ZNF483: variants seen among roughly 807,000 people sequenced by gnomAD.
ZNF483 encodes zinc finger protein 483.
A neutral mutation model predicts 28.6 loss-of-function variants in ZNF483; 9 were observed. That is an observed-to-expected ratio of 0.32 (90% CI 0.19 to 0.55). The LOEUF is 0.55. Ranked by LOEUF, ZNF483 falls within the 20% of genes least tolerant of loss-of-function variation. ZNF483 has a pLI of 0.93. For synonymous variants in ZNF483, 322 were observed against 306.2 expected, an observed-to-expected ratio of 1.05 and a Z score of -0.54; for missense variants, 675 against 871.7, an observed-to-expected ratio of 0.77 and a Z score of 2.84.
At chr9:111,564,362 G>A (rs1828458833) in intron 5 of ZNF483, 4 of 424,028 alleles carry the variant, frequency 9.4e-6, no homozygotes, top group Non-Finnish European at 1.3e-5. Flanking sequence ...TTTGAGTGCA[G>A]TGGCACAATC....
In ZNF483 at chr9:111,543,271, G is replaced by A. The variant is rs114605895; in HGVS notation, c.*101G>A. 4.9e-4 allele frequency: 713 copies of A among 1,457,134 alleles called. 1 individual carries two copies. The African/African-American group carries it at 8.7e-3, about 18-fold the overall frequency. 90.3% of individuals were successfully genotyped at this position (1,457,134 alleles called of 1,614,324 possible). ...GTATTGATCAGTAGCTGCAGCTTTCGTAAATTGGCAGTTAGGAAAAATATC... is the reference window on the plus strand; with the variant it reads ...GTATTGATCAGTAGCTGCAGCTTTCATAAATTGGCAGTTAGGAAAAATATC... On this transcript the variant is annotated 3_prime_UTR_variant, in exon 6 of 6. Transcript: ENST00000309235.
At chr9:111,528,644 G>C (rs1827240958) in intron 2 of ZNF483, among the ~76,000 whole-genome samples, 1 of 152,006 alleles carries the variant, frequency 6.6e-6, no homozygotes, top group African/African-American at 2.4e-5. Context: ...ATTTACCATA[G>C]GGCTCCTGAC....
At chr9:111,569,009 C>CTAG (rs1828695576) in intron 5 of ZNF483, among the ~76,000 whole-genome samples, 1 of 152,188 alleles carries the variant, frequency 6.6e-6, no homozygotes, top group Non-Finnish European at 1.5e-5. Context: ...GATTGAGAAA[C>CTAG]TAGAAGTATA....
At chr9:111,561,870 G>GT (rs995037875) in intron 5 of ZNF483, among the ~76,000 whole-genome samples, 9 of 152,018 alleles carry the variant, frequency 5.9e-5, no homozygotes, top group African/African-American at 1.9e-4. Flanking sequence ...TTATGCTGTT[G>GT]TTTTTTTGTT....
In ZNF483 at chr9:111,545,536, T is replaced by C. The variant is rs947012746; in HGVS notation, c.*2366T>C. 5.3e-5 allele frequency among the ~76,000 whole-genome samples: 8 copies of C among 152,102 alleles called. No individual in the cohort carries two copies. Among genetic ancestry groups the C allele is most frequent in the African/African-American group, 1.9e-4 (8 of 41,448 alleles). ...CCATAATCCATTTTTTAGAACATCA[T>C]CCCAGCAAGATCCGTTATTCCAGTT... On this transcript the variant is annotated 3_prime_UTR_variant, in exon 6 of 6. Transcript: ENST00000309235.
intron 5 of ZNF483, among the ~76,000 whole-genome samples, chr9:111,567,307 C>T (rs1828607230): frequency 6.6e-6 from 1 of 152,276 alleles, no homozygotes; most frequent in East Asian, 1.9e-4. Flanking sequence ...CCTGCCTCAG[C>T]CTCCCAAGTA....
chr9:111,557,443 CT>C (rs35404480), downstream of ZNF483, among the ~76,000 whole-genome samples: 114,693 of 151,234 alleles, frequency 0.76, 44,177 homozygotes, highest in African/African-American at 0.88. Context: ...AACTCATTAT[CT>C]TTTTTTTGCT....
At chr9:111,541,277 G>T (rs552355813) in intron 5 of ZNF483, among the ~76,000 whole-genome samples, 9 of 152,074 alleles carry the variant, frequency 5.9e-5, no homozygotes, top group African/African-American at 1.9e-4. Flanking sequence ...TTTTAGTAGA[G>T]ATGGGGTTTC....
chr9:111,576,560 GC>G, exon 6 of ZNF483: 1 of 979,060 alleles, frequency 1.0e-6, no homozygotes, highest in Non-Finnish European at 1.5e-6. Context: ...TAGTGGAGTG[GC>G]CATAGGCAAG....
rs533865825 is a variant in ZNF483, at chr9:111,548,471, C to T, written c.*5301C>T. 1.1e-3 allele frequency among the ~76,000 whole-genome samples: 165 copies of T among 152,246 alleles called. No individual in the cohort carries two copies. Among genetic ancestry groups the T allele is most frequent in the Non-Finnish European group, 1.4e-3 (96 of 68,002 alleles). ...TGAGTGTTGATTTTGTATCTTGCAA[C>T]TTTGCTGAATTTGTTTATTAGTCAT... is the stretch of plus-strand genomic sequence containing the variant. On this transcript the variant is annotated 3_prime_UTR_variant, in exon 6 of 6. Coordinates refer to ENST00000309235, the MANE Select transcript of ZNF483 (RefSeq NM_133464.5).
Position 111,544,507 on chromosome 9 carries a change from GC to G in ZNF483, c.*1339del. On this transcript the variant is annotated 3_prime_UTR_variant, in exon 6 of 6. Coordinates refer to ENST00000309235, the MANE Select transcript of ZNF483 (RefSeq NM_133464.5). ...ACTCAGCTGGTCCTGGGTAGCAGCT[GC>G]CACCTTTTGATGGGGAATCAACTTT... is the stretch of plus-strand genomic sequence containing the variant. 3.1e-6 allele frequency: 1 copy of G among 320,346 alleles called. No homozygotes were observed. The highest frequency in any genetic ancestry group is 4.5e-6 in the Non-Finnish European group (1 of 221,630). The allele number at this position is 320,346 out of a possible 1,614,324, so 19.8% of individuals were successfully genotyped here.
In ZNF483 at chr9:111,570,472, T is replaced by C. The variant is rs114288511; in HGVS notation, c.722-5893T>C. 2.3e-3 allele frequency among the ~76,000 whole-genome samples: 356 copies of C among 152,222 alleles called. 2 individuals are homozygous for C. Among genetic ancestry groups the C allele is most frequent in the African/African-American group, 8.4e-3 (350 of 41,534 alleles). On this transcript the variant is annotated intron_variant, in intron 5 of 5. Transcript: ENST00000358151. ...TACATGGCAAAAAGGACTTTGCAGA[T>C]ATGATTAAGAAGTTTGGGGGTGGCG...
intron 5 of ZNF483, among the ~76,000 whole-genome samples, chr9:111,571,015 C>CTGGGACTATAGGTGCA (rs1446706355): frequency 7.5e-6 from 1 of 132,470 alleles, no homozygotes; most frequent in Admixed American, 8.2e-5. Context: ...ATACAGGCAG[C>CTGGGACTATAGGTGCA]TGCTAGAAGC....
chr9:111,569,869 G>T (rs1828732564), intron 5 of ZNF483: 1 of 630,034 alleles, frequency 1.6e-6, no homozygotes. Context: ...GAAGGGAAAT[G>T]GACCTGCATT....
At chr9:111,538,643 A>G (rs1827583397) in intron 5 of ZNF483, among the ~76,000 whole-genome samples, 1 of 152,210 alleles carries the variant, frequency 6.6e-6, no homozygotes, top group Admixed American at 6.5e-5. Flanking sequence ...GGATTCTGAA[A>G]GTGTTTTGTG....
At chr9:111,575,347 A>G (rs78779820) in intron 5 of ZNF483, 1 of 152,652 alleles carries the variant, frequency 6.6e-6, no homozygotes, top group Non-Finnish European at 1.5e-5. Context: ...ATTTGATTCT[A>G]AGACCATACC....
chr9:111,526,868 G>A (rs536535047), intron 1 of ZNF483, among the ~76,000 whole-genome samples: 2 of 152,328 alleles, frequency 1.3e-5, no homozygotes, highest in African/African-American at 4.8e-5. Flanking sequence ...GGGAGGCTGA[G>A]GTGGGTGGAT....
intron 5 of ZNF483, chr9:111,564,245 A>G: frequency 9.7e-7 from 1 of 1,030,704 alleles, no homozygotes; most frequent in Non-Finnish European, 1.2e-6. Flanking sequence ...GAAGTCAGTC[A>G]ATTACAAAGT....
At chr9:111,530,270 C>T (rs1444800305) in intron 2 of ZNF483, among the ~76,000 whole-genome samples, 6 of 152,180 alleles carry the variant, frequency 3.9e-5, no homozygotes, top group Non-Finnish European at 8.8e-5. Context: ...CGTGGCAGTT[C>T]CTGGAGAGCT....
Sources: allele counts gnomAD v4.1 joint callset (sites outside exome capture counted in the v4.1 genomes callset), GRCh38; gene constraint gnomAD v4.1.1; transcripts MANE v1.5; gene names NCBI Gene and HGNC (gene_info 2026-07-23, HGNC 2026-07-21).